The following RBMS3 variants were observed in gnomAD, a reference collection of about 807,000 sequenced individuals.
RBMS3 encodes the protein RNA-binding motif, single-stranded-interacting protein 3.
In RBMS3, 27 loss-of-function variants were observed where a neutral mutation model predicts 66.8. That is an observed-to-expected ratio of 0.40 (90% CI 0.30 to 0.56). The LOEUF (loss-of-function observed/expected upper bound fraction) is 0.56. RBMS3 is among the 20% of genes least tolerant of loss of function. The pLI is 0.40. For missense variants in RBMS3, 513 were observed against 549.5 expected (o/e 0.93, Z 0.66); for synonymous variants, 188 against 183.0 (o/e 1.03, Z -0.22).
At chr3:29,566,743 G>T (rs898378751) in intron 3 of RBMS3, among the ~76,000 whole-genome samples, 1 of 151,936 alleles carries the variant, frequency 6.6e-6, no homozygotes, top group African/African-American at 2.4e-5. Context: ...ATGCCTGGTT[G>T]CTGGGGGTGT....
At chr3:29,753,950 G>T (rs993218563) in intron 5 of RBMS3, among the ~76,000 whole-genome samples, 1 of 151,608 alleles carries the variant, frequency 6.6e-6, no homozygotes, top group African/African-American at 2.4e-5. Flanking sequence ...TGAGATAAAA[G>T]ATTGAAAAAC....
At chr3:29,843,528 A>C (rs2058710834) in intron 6 of RBMS3, among the ~76,000 whole-genome samples, 1 of 152,208 alleles carries the variant, frequency 6.6e-6, no homozygotes, top group Non-Finnish European at 1.5e-5. Flanking sequence ...TATAATCTAT[A>C]ATCAAAATCC....
Position 29,300,166 on chromosome 3 carries a change from A to G in RBMS3, c.75+18410A>G, listed in dbSNP as rs138319555. Among the ~76,000 whole-genome samples the G allele has an allele frequency of 2.1e-3, 327 of 152,114 alleles. 2 individuals are homozygous for G. The highest frequency in any genetic ancestry group is 7.4e-3 in the African/African-American group (307 of 41,558). ...TTAAACATTTCCTAACAACCAGAGT[A>G]GACGGAGATGTTGGAAGACAGTCAC... On this transcript the variant is annotated intron_variant, in intron 1 of 14. Transcript: ENST00000383767.
chr3:29,822,340 T>C (rs1253690693), intron 6 of RBMS3, among the ~76,000 whole-genome samples: 1 of 152,204 alleles, frequency 6.6e-6, no homozygotes, highest in Non-Finnish European at 1.5e-5. Context: ...GATTAAGTAG[T>C]CCAAAACATT....
At chr3:29,875,980 T>C (rs2149564217) in intron 7 of RBMS3, among the ~76,000 whole-genome samples, 1 of 152,290 alleles carries the variant, frequency 6.6e-6, no homozygotes, top group Non-Finnish European at 1.5e-5. Flanking sequence ...TAAGACCCCT[T>C]TGATGTTCTT....
intron 6 of RBMS3, among the ~76,000 whole-genome samples, chr3:29,818,151 A>T (rs914353459): frequency 3.9e-5 from 6 of 152,250 alleles, no homozygotes; most frequent in African/African-American, 1.2e-4. Flanking sequence ...GACACATGAG[A>T]AGCTTATTTA....
intron 3 of RBMS3, among the ~76,000 whole-genome samples, chr3:29,551,745 T>A (rs1316035344): frequency 1.3e-5 from 2 of 152,172 alleles, no homozygotes; most frequent in African/African-American, 2.4e-5. Context: ...TGACGAGGTA[T>A]CCAAATCTAT....
At chr3:29,666,576 T>TA (rs2050768285) in intron 4 of RBMS3, among the ~76,000 whole-genome samples, 2 of 152,092 alleles carry the variant, frequency 1.3e-5, no homozygotes, top group Admixed American at 1.3e-4. Context: ...AACTCCTTTT[T>TA]ATACTTGAAT....
chr3:29,959,967 C>A (rs1227543749), intron 12 of RBMS3, among the ~76,000 whole-genome samples: 3 of 152,028 alleles, frequency 2.0e-5, no homozygotes, highest in Non-Finnish European at 4.4e-5. Context: ...ATTATTTCAC[C>A]CCGGCCCCTC....
intron 3 of RBMS3, chr3:29,537,609 G>C (rs907802834): frequency 1.1e-4 from 16 of 152,108 alleles, no homozygotes; most frequent in Admixed American, 4.6e-4. Flanking sequence ...TGGATCACAA[G>C]GTCAGGAGAC....
At chr3:29,314,226 T>G (rs1026362343) in intron 1 of RBMS3, among the ~76,000 whole-genome samples, 10 of 151,758 alleles carry the variant, frequency 6.6e-5, no homozygotes, top group Non-Finnish European at 1.3e-4. Context: ...TTAGATGTAA[T>G]GTAGTTGGCA....
At position 29,897,335 on chromosome 3, in the gene RBMS3, A is replaced by C. The variant is rs1478233031; in HGVS notation, c.792-44A>C. 1.9e-6 allele frequency: 3 copies of C among 1,541,684 alleles called. No homozygotes were observed. The East Asian group carries it at 6.8e-5, about 35-fold the overall frequency. ...GATAGCATTTGATTAGAGGCCAGGC[A>C]TGTAGCAGCTTCGTGAATCTTCCTT... On this transcript the variant is annotated intron_variant, in intron 8 of 14. Coordinates refer to ENST00000383767, the MANE Select transcript of RBMS3 (RefSeq NM_001003793.3).
At chr3:29,403,658 A>G (rs1166867662) in intron 1 of RBMS3, among the ~76,000 whole-genome samples, 1 of 152,108 alleles carries the variant, frequency 6.6e-6, no homozygotes, top group Non-Finnish European at 1.5e-5. Context: ...AGTAGATGGA[A>G]CAATAAATTG....
intron 4 of RBMS3, among the ~76,000 whole-genome samples, chr3:29,589,508 C>T (rs2047650216): frequency 6.6e-6 from 1 of 152,084 alleles, no homozygotes; most frequent in African/African-American, 2.4e-5. Context: ...GCTTTAGACT[C>T]ATATCTGCCT....
At chr3:29,491,948 G>A (rs185055936) in intron 3 of RBMS3, among the ~76,000 whole-genome samples, 34 of 152,020 alleles carry the variant, frequency 2.2e-4, no homozygotes, top group African/African-American at 7.7e-4. Context: ...AGCTGAGATC[G>A]TGCCACTGCA....
At chr3:29,540,589 T>C (rs151068680) in intron 3 of RBMS3, among the ~76,000 whole-genome samples, 2 of 152,348 alleles carry the variant, frequency 1.3e-5, no homozygotes, top group African/African-American at 2.4e-5. Context: ...ATGATGTTAC[T>C]ATATTGATAT....
intron 1 of RBMS3, among the ~76,000 whole-genome samples, chr3:29,380,610 A>G (rs1469381944): frequency 6.6e-6 from 1 of 152,208 alleles, no homozygotes; most frequent in Non-Finnish European, 1.5e-5. Context: ...TAGAGGGATT[A>G]GGTAAATTGC....
At chr3:29,704,658 T>G (rs1161026037) in intron 4 of RBMS3, among the ~76,000 whole-genome samples, 2 of 152,224 alleles carry the variant, frequency 1.3e-5, no homozygotes, top group Admixed American at 1.3e-4. Context: ...TTTATTTATA[T>G]TTCTTCCTTA....
chr3:29,432,803 G>A (rs1186037633), intron 1 of RBMS3, among the ~76,000 whole-genome samples: 4 of 152,206 alleles, frequency 2.6e-5, no homozygotes, highest in East Asian at 1.9e-4. Context: ...AGAGCCAGCC[G>A]AGTAGAGTGG....
Sources: allele counts gnomAD v4.1 joint callset (sites outside exome capture counted in the v4.1 genomes callset), GRCh38; gene constraint gnomAD v4.1.1; transcripts MANE v1.5; gene names NCBI Gene and HGNC (gene_info 2026-07-23, HGNC 2026-07-21).